The following HNF4G variants were observed in gnomAD, a reference collection of about 807,000 sequenced individuals.
HNF4G encodes hepatocyte nuclear factor 4-gamma.
HNF4G carries 21 observed loss-of-function variants against 50.9 expected under a neutral mutation model. That is an observed-to-expected ratio of 0.41 (90% CI 0.29 to 0.59). The LOEUF is 0.59. Ranked by LOEUF, HNF4G falls within the 20% of genes least tolerant of loss-of-function variation. The pLI, the probability that HNF4G is intolerant of heterozygous loss-of-function variation, is 0.26. For synonymous variants in HNF4G, 198 were observed against 185.6 expected (o/e 1.07, Z -0.54); for missense variants, 527 against 559.4 (o/e 0.94, Z 0.58).
rs140052203 is a variant in HNF4G, at chr8:75,449,646, A to G, written c.-143-40443A>G. Among the ~76,000 whole-genome samples the G allele has an allele frequency of 8.5e-3, 1,285 of 151,472 alleles. 15 individuals are homozygous for G. The highest frequency in any genetic ancestry group is 0.029 in the African/African-American group (1,217 of 41,296). On this transcript the variant is annotated intron_variant, in intron 1 of 10. Transcript: ENST00000354370. ...CTCAGCCTCCCTTGTAGCTGGGACT[A>G]CAGGCTCCCGCCACCACGCCAGGCT...
chr8:75,555,644 A>G (rs2130808396), intron 5 of HNF4G, among the ~76,000 whole-genome samples: 1 of 152,226 alleles, frequency 6.6e-6, no homozygotes, highest in South Asian at 2.1e-4. Context: ...GTTAACTTAC[A>G]CAAGGTTAAA....
chr8:75,533,693 G>A (rs1049347106), intron 2 of HNF4G, among the ~76,000 whole-genome samples: 11 of 151,838 alleles, frequency 7.2e-5, no homozygotes, highest in African/African-American at 2.7e-4. Flanking sequence ...AAAAGGAGGT[G>A]AAATATTTAA....
chr8:75,502,061 C>T (rs1464769490), intron 2 of HNF4G, among the ~76,000 whole-genome samples: 1 of 152,082 alleles, frequency 6.6e-6, no homozygotes, highest in Non-Finnish European at 1.5e-5. Flanking sequence ...CCCTGTTAGC[C>T]AGGATGGTCT....
intron 2 of HNF4G, among the ~76,000 whole-genome samples, chr8:75,493,526 A>G (rs1390530246): frequency 2.0e-5 from 3 of 152,218 alleles, no homozygotes; most frequent in African/African-American, 7.2e-5. Flanking sequence ...TTGAAAAATA[A>G]TAAAATGCTA....
rs781156290 is a variant in HNF4G, at chr8:75,543,862, G to C, written c.170G>C (p.Cys57Ser). 124 of 1,613,838 alleles carry C rather than the reference G, an allele frequency of 7.7e-5. No individual in the cohort carries two copies. Among genetic ancestry groups the C allele is most frequent in the Non-Finnish European group, 1.0e-4 (118 of 1,179,834 alleles). ...AATACCACAGACAACGGTGTCAACT[G>C]TCTGTGTGCTATCTGTGGGGACAGA... ...SMNTTDNGVNCLCAICGDRAT... is the reference protein window; with the variant it reads ...SMNTTDNGVNSLCAICGDRAT... The change falls in exon 2 of 10, where the codon TGT becomes TCT. Residue 57 changes from cysteine to serine, a missense_variant. Physicochemically the swap from Cys to Ser is moderately radical, Grantham distance 112. This residue lies in a region of HNF4G where 84 missense variants were observed against 87.1 expected (regional missense o/e 0.96). Coordinates refer to ENST00000396423, the MANE Select transcript of HNF4G (RefSeq NM_004133.5).
intron 9 of HNF4G, among the ~76,000 whole-genome samples, chr8:75,563,366 G>A (rs1807369376): frequency 6.6e-6 from 1 of 151,140 alleles, no homozygotes; most frequent in Non-Finnish European, 1.5e-5. Flanking sequence ...AATTACTCAG[G>A]CTTGCTCTTT....
In HNF4G at chr8:75,565,438, TG is replaced by T. The variant is rs1807435849; in HGVS notation, c.*1344del. On this transcript the variant is annotated 3_prime_UTR_variant, in exon 10 of 10. Coordinates refer to ENST00000396423, the MANE Select transcript of HNF4G (RefSeq NM_004133.5). The stretch of plus-strand genomic sequence containing the variant: ...GAAAACGAAAACAAAGTAAAATGAC[TG>T]GCTTAGCAGATTCTTTGAAATGTAG... 6.6e-6 allele frequency: 1 copy of T among 152,154 alleles called. No homozygotes were observed. Among genetic ancestry groups the T allele is most frequent in the African/African-American group, 2.4e-5 (1 of 41,452 alleles). The allele number at this position is 152,154 out of a possible 1,614,324, so 9.4% of individuals were successfully genotyped here. A position where few individuals can be genotyped will look rare whatever the true frequency, so the allele number is the denominator to read the frequency against.
intron 2 of HNF4G, among the ~76,000 whole-genome samples, chr8:75,523,967 T>C (rs1806115839): frequency 6.6e-6 from 1 of 151,864 alleles, no homozygotes; most frequent in South Asian, 2.1e-4. Context: ...TTAATTTTAA[T>C]TAAAAATTAA....
rs958335301 is a variant in HNF4G, at chr8:75,512,060, G to A, written c.-24+21852G>A. ...TTTTTAGTCTATATCTAGGAAATTC[G>A]TGGAATGATTTTGTTAATATTATAT... On this transcript the variant is annotated intron_variant, in intron 2 of 10. Coordinates refer to the HNF4G transcript ENST00000354370. 2.6e-5 allele frequency among the ~76,000 whole-genome samples: 4 copies of A among 152,034 alleles called. No homozygotes were observed. In the South Asian group the frequency reaches 6.2e-4, roughly 24 times the overall value.
intron 1 of HNF4G, among the ~76,000 whole-genome samples, chr8:75,413,358 A>AGGGAGGGGAGGGGAGGGGTGGGGAGGG (rs1585819757): frequency 6.8e-6 from 1 of 146,386 alleles, no homozygotes; most frequent in African/African-American, 2.5e-5. Flanking sequence ...GGGGAGGGGA[A>AGGGAGGGGAGGGGAGGGGTGGGGAGGG]TAGTGAGAAC....
At chr8:75,463,068 T>G (rs1811891190) in intron 1 of HNF4G, among the ~76,000 whole-genome samples, 2 of 150,386 alleles carry the variant, frequency 1.3e-5, no homozygotes, top group Admixed American at 1.3e-4. Context: ...GTTTTTTTGT[T>G]TTTTTTTTTT....
At chr8:75,451,851 C>G (rs1020237486) in intron 1 of HNF4G, among the ~76,000 whole-genome samples, 1 of 152,158 alleles carries the variant, frequency 6.6e-6, no homozygotes, top group Non-Finnish European at 1.5e-5. Flanking sequence ...ATGGCTTTTG[C>G]TCTAGGGCCT....
At position 75,480,721 on chromosome 8, in the gene HNF4G, C is replaced by CT. The variant is rs1336807468; in HGVS notation, c.-143-9353dup. ...ATCTCATTTCTTTTTCTTTTTCTTT[C>CT]TTTTTTTTTTTTTTTGAGACAGAAT... On this transcript the variant is annotated intron_variant, in intron 1 of 10. Coordinates refer to the HNF4G transcript ENST00000354370. Among the ~76,000 whole-genome samples, 343 of 122,434 alleles carry CT rather than the reference C, an allele frequency of 2.8e-3. 7 individuals are homozygous for CT. Among genetic ancestry groups the CT allele is most frequent in the East Asian group, 7.8e-3 (27 of 3,456 alleles). The allele number at this position is 122,434 out of a possible 152,430, so 80.3% of individuals were successfully genotyped here.
chr8:75,414,036 A>G (rs1394805978), intron 1 of HNF4G, among the ~76,000 whole-genome samples: 2 of 152,128 alleles, frequency 1.3e-5, no homozygotes, highest in African/African-American at 2.4e-5. Flanking sequence ...ATTTGCAATC[A>G]GTAAAACCCC....
rs1359940635 is a variant in HNF4G, at chr8:75,540,506, T to G, written c.118+426T>G. On this transcript the variant is annotated intron_variant, in intron 1 of 9. Coordinates refer to ENST00000396423, the MANE Select transcript of HNF4G (RefSeq NM_004133.5). ...GGGAGTTTCACTGATTGTCTACCCT[T>G]TTCCTTATAATTCCAGTTCTCAATT... Among the ~76,000 whole-genome samples the G allele has an allele frequency of 2.6e-5, 4 of 152,164 alleles. No individual in the cohort carries two copies. In the South Asian group the frequency reaches 8.3e-4, roughly 32 times the overall value.
chr8:75,503,914 T>C (rs753508751), intron 2 of HNF4G, among the ~76,000 whole-genome samples: 10 of 152,180 alleles, frequency 6.6e-5, no homozygotes, highest in Non-Finnish European at 1.3e-4. Context: ...TTGTGGGTTA[T>C]GTTTAGAATA....
At chr8:75,462,109 G>T (rs1262905587) in intron 1 of HNF4G, among the ~76,000 whole-genome samples, 1 of 151,782 alleles carries the variant, frequency 6.6e-6, no homozygotes, top group African/African-American at 2.4e-5. Context: ...TAGAGATGGG[G>T]TTTCTCCATG....
At chr8:75,550,949 G>C (rs1399657667) in intron 3 of HNF4G, among the ~76,000 whole-genome samples, 2 of 151,796 alleles carry the variant, frequency 1.3e-5, no homozygotes, top group South Asian at 2.1e-4. Flanking sequence ...TTCCATTTTT[G>C]CTCGTGTTTT....
intron 2 of HNF4G, among the ~76,000 whole-genome samples, chr8:75,531,340 T>C (rs746899264): frequency 2.0e-5 from 3 of 152,146 alleles, no homozygotes; most frequent in Non-Finnish European, 4.4e-5. Flanking sequence ...TTCCTAGACA[T>C]ATGGTAAAAC....
Sources: allele counts gnomAD v4.1 joint callset (sites outside exome capture counted in the v4.1 genomes callset), GRCh38; gene constraint gnomAD v4.1.1; regional missense constraint gnomAD v4.1.1; transcripts MANE v1.5; gene names NCBI Gene and HGNC (gene_info 2026-07-23, HGNC 2026-07-21).